Variants in C1QTNF3 observed in about 807,000 individuals in gnomAD.
The protein encoded by C1QTNF3 is complement C1q tumor necrosis factor-related protein 3.
A neutral mutation model predicts 32.6 loss-of-function variants in C1QTNF3; 26 were observed. That is an observed-to-expected ratio of 0.80 (90% CI 0.58 to 1.11). C1QTNF3 has a LOEUF of 1.11. Among genes scored for constraint, C1QTNF3 ranks in the 50% least tolerant of loss-of-function variants. C1QTNF3 has a pLI of 0.00. For missense variants in C1QTNF3, 362 were observed against 398.2 expected, an observed-to-expected ratio of 0.91 and a Z score of 0.77; for synonymous variants, 155 against 146.0, an observed-to-expected ratio of 1.06 and a Z score of -0.44.
chr5:34,049,644 T>A, the C1QTNF3 span, among the ~76,000 whole-genome samples: 1 of 152,212 alleles, frequency 6.6e-6, no homozygotes, highest in Non-Finnish European at 1.5e-5. Flanking sequence ...AAGATCCAAG[T>A]AAATTCCTCA....
At chr5:34,130,201 T>A in the C1QTNF3 span, among the ~76,000 whole-genome samples, 1 of 151,984 alleles carries the variant, frequency 6.6e-6, no homozygotes, top group African/African-American at 2.4e-5. Flanking sequence ...CAGCATTTAA[T>A]ACATTTAATA....
upstream of C1QTNF3, among the ~76,000 whole-genome samples, chr5:34,046,169 T>C (rs1419846624): frequency 6.6e-6 from 1 of 152,230 alleles, no homozygotes; most frequent in African/African-American, 2.4e-5. Context: ...TGTACAACTG[T>C]AACCAATCAA....
the C1QTNF3 span, among the ~76,000 whole-genome samples, chr5:34,145,570 C>A: frequency 1.3e-5 from 2 of 150,746 alleles, no homozygotes; most frequent in Non-Finnish European, 2.9e-5. Context: ...TAAAAAAGAA[C>A]TGACATCAAT....
At chr5:34,022,713 C>T (rs1170340257) in intron 5 of C1QTNF3, among the ~76,000 whole-genome samples, 1 of 152,196 alleles carries the variant, frequency 6.6e-6, no homozygotes, top group Non-Finnish European at 1.5e-5. Flanking sequence ...AACAATGTGA[C>T]TAAGTTCTCT....
the C1QTNF3 span, among the ~76,000 whole-genome samples, chr5:34,227,940 CT>C: frequency 2.0e-5 from 3 of 150,516 alleles, no homozygotes; most frequent in African/African-American, 7.3e-5. Flanking sequence ...TAAATATGTT[CT>C]GATCATTATT....
At chr5:34,097,314 A>G in the C1QTNF3 span, among the ~76,000 whole-genome samples, 1 of 152,016 alleles carries the variant, frequency 6.6e-6, no homozygotes, top group Non-Finnish European at 1.5e-5. Context: ...TGTATCTGAC[A>G]TTTATATAGT....
the C1QTNF3 span, among the ~76,000 whole-genome samples, chr5:34,077,610 TTAAG>T: frequency 1.3e-5 from 2 of 151,646 alleles, no homozygotes; most frequent in African/African-American, 2.4e-5. Flanking sequence ...CTTTAAAAGT[TTAAG>T]TATATAAACA....
chr5:34,194,935 A>G, the C1QTNF3 span, among the ~76,000 whole-genome samples: 1 of 148,308 alleles, frequency 6.7e-6, no homozygotes, highest in Non-Finnish European at 1.5e-5. Context: ...AAGGACAAGA[A>G]AAAAGTCTTT....
chr5:34,197,636 C>CG, the C1QTNF3 span, among the ~76,000 whole-genome samples: 5 of 152,002 alleles, frequency 3.3e-5, no homozygotes, highest in African/African-American at 1.2e-4. Flanking sequence ...GGTTCTGACT[C>CG]GAAGTCTCTC....
rs1754236415 is a variant in C1QTNF3, at chr5:34,017,998, T to C, written c.*2585A>G. ...TAAAATTATGTTTTCAAATTGTCCTTAGTAGCATTTGAGAGTGTTCTTAAT... is the reference window on the plus strand; with the variant it reads ...TAAAATTATGTTTTCAAATTGTCCTCAGTAGCATTTGAGAGTGTTCTTAAT... On this transcript the variant is annotated 3_prime_UTR_variant, in exon 6 of 6. Transcript: ENST00000382065. 6.7e-6 allele frequency among the ~76,000 whole-genome samples: 1 copy of C among 150,072 alleles called. No homozygotes were observed. The highest frequency in any genetic ancestry group is 6.6e-5 in the Admixed American group (1 of 15,170).
chr5:34,020,584 T>C lies in C1QTNF3; in HGVS notation c.959A>G (p.Ter320=), dbSNP rs1469953453. The part of the protein sequence containing the change: ...FAGFLLFETK[*] ...AGTGGAGCTATTCTAGTCATATATT[T>C]ACTTAGTTTCAAAGAGCAGGAATCC... Residue 320 remains the stop codon, a stop_retained_variant, in exon 6 of 6, where the codon TAA becomes TGA. Transcript: ENST00000382065. The C allele has an allele frequency of 1.9e-6, 3 of 1,614,012 alleles. No homozygotes were observed. In the South Asian group the frequency reaches 3.3e-5, roughly 18 times the overall value.
At chr5:34,041,690 T>G (rs1208207375) in intron 1 of C1QTNF3, among the ~76,000 whole-genome samples, 1 of 152,136 alleles carries the variant, frequency 6.6e-6, no homozygotes, top group Non-Finnish European at 1.5e-5. Context: ...CCGTGGCTCC[T>G]TAAAGAAGCA....
chr5:34,147,669 G>C, the C1QTNF3 span, among the ~76,000 whole-genome samples: 1 of 151,694 alleles, frequency 6.6e-6, no homozygotes, highest in African/African-American at 2.4e-5. Context: ...TACTAGATGG[G>C]GTAGAAAAAA....
the C1QTNF3 span, among the ~76,000 whole-genome samples, chr5:34,133,348 CTG>C: frequency 9.2e-5 from 14 of 152,050 alleles, no homozygotes; most frequent in African/African-American, 3.4e-4. Context: ...AAAAAGATAA[CTG>C]TGTCTCCCTT....
the C1QTNF3 span, among the ~76,000 whole-genome samples, chr5:34,105,046 G>T: frequency 5.3e-5 from 8 of 150,734 alleles, no homozygotes; most frequent in African/African-American, 2.0e-4. Context: ...TACACTTTCT[G>T]TCTCTTGTGT....
At chr5:34,125,989 T>C in the C1QTNF3 span, among the ~76,000 whole-genome samples, 38 of 152,354 alleles carry the variant, frequency 2.5e-4, no homozygotes, top group Middle Eastern at 3.4e-3. Flanking sequence ...AATTTCTCTT[T>C]AATTTTTCTG....
the C1QTNF3 span, among the ~76,000 whole-genome samples, chr5:34,078,946 G>A: frequency 4.0e-5 from 6 of 151,374 alleles, no homozygotes; most frequent in East Asian, 1.9e-4. This position sits in a 1 kb window ranked among gnomAD's most constrained non-coding sequence, Gnocchi z 4.0. Context: ...AAATAGAAAC[G>A]GAAACAAATG....
At chr5:34,115,544 C>A in the C1QTNF3 span, among the ~76,000 whole-genome samples, 2 of 152,044 alleles carry the variant, frequency 1.3e-5, no homozygotes, top group African/African-American at 4.8e-5. Flanking sequence ...TCCTGGCTAA[C>A]ACGGTGAAAC....
At chr5:34,129,185 A>G in the C1QTNF3 span, among the ~76,000 whole-genome samples, 1 of 152,058 alleles carries the variant, frequency 6.6e-6, no homozygotes. Flanking sequence ...CCATGATTGT[A>G]CATTTCCTGA....
Sources: gnomAD v4.1 joint callset for allele counts (sites outside exome capture counted in the v4.1 genomes callset) on GRCh38, gnomAD v4.1.1 for gene constraint, Gnocchi (gnomAD v3.1) non-coding constraint, MANE v1.5 for transcripts, NCBI Gene and HGNC (gene_info 2026-07-23, HGNC 2026-07-21) for gene names.